MKLN1: variants seen among roughly 807,000 people sequenced by gnomAD.
MKLN1 encodes the protein muskelin.
A neutral mutation model predicts 99.0 loss-of-function variants in MKLN1; 18 were observed. The ratio of observed to expected loss-of-function variants is 0.18; its 90% CI spans 0.13 to 0.27. MKLN1 has a LOEUF of 0.27. Ranked by LOEUF, MKLN1 falls within the 10% of genes least tolerant of loss-of-function variation. The pLI, the probability that MKLN1 is intolerant of heterozygous loss-of-function variation, is 1.00. For missense variants in MKLN1, 621 were observed against 875.9 expected (o/e 0.71, Z 3.67); for synonymous variants, 288 against 293.2 (o/e 0.98, Z 0.18).
chr7:131,144,495 A>T (rs1291633101), intron 2 of MKLN1, among the ~76,000 whole-genome samples: 1 of 151,492 alleles, frequency 6.6e-6, no homozygotes, highest in African/African-American at 2.4e-5. Flanking sequence ...AAAAAAAAAA[A>T]AGTTTTTCTT....
chr7:131,375,611 A>T, intron 2 of MKLN1, 118 bp downstream of exon 2: 1 of 629,836 alleles, frequency 1.6e-6, no homozygotes, highest in Admixed American at 2.9e-5. Context: ...ATTGTGAGGT[A>T]AATTTTTATT....
chr7:131,168,899 G>T (rs1796175317), intron 2 of MKLN1, among the ~76,000 whole-genome samples: 2 of 145,070 alleles, frequency 1.4e-5, no homozygotes, highest in Admixed American at 1.4e-4. Context: ...ATAGCATCTA[G>T]CTCTTCCACC....
intron 3 of MKLN1, among the ~76,000 whole-genome samples, chr7:131,210,208 A>G (rs1025591022): frequency 6.6e-6 from 1 of 152,126 alleles, no homozygotes; most frequent in Non-Finnish European, 1.5e-5. Flanking sequence ...GACCTTTTAA[A>G]TCTTAGCATA....
In MKLN1 at chr7:131,253,054, A is replaced by G. The variant is rs577664134; in HGVS notation, c.-179+50080A>G. On this transcript the variant is annotated intron_variant, in intron 3 of 7. Transcript: ENST00000416992. The stretch of plus-strand genomic sequence containing the variant: ...GAGGAGCTTTACAGACCCAGTCCCA[A>G]TGAAACAACCATACTGGTGAAAATT... 6.6e-4 allele frequency among the ~76,000 whole-genome samples: 101 copies of G among 152,330 alleles called. 1 individual carries two copies. The highest frequency in any genetic ancestry group is 1.2e-3 in the Admixed American group (19 of 15,300).
At chr7:131,414,898 T>C (rs1794972546) in intron 8 of MKLN1, among the ~76,000 whole-genome samples, 188 bp downstream of exon 8, 1 of 152,046 alleles carries the variant, frequency 6.6e-6, no homozygotes, top group Non-Finnish European at 1.5e-5. Flanking sequence ...GTCTAGTTTA[T>C]ATGTGTTGTA....
At chr7:131,379,482 T>G (rs917818852) in intron 2 of MKLN1, among the ~76,000 whole-genome samples, 10 of 152,070 alleles carry the variant, frequency 6.6e-5, no homozygotes, top group Admixed American at 3.3e-4. Context: ...AAAACTTCTA[T>G]AAATGAAAAA....
chr7:131,229,327 C>T (rs1291103657), intron 3 of MKLN1, among the ~76,000 whole-genome samples: 2 of 151,994 alleles, frequency 1.3e-5, no homozygotes, highest in Non-Finnish European at 2.9e-5. Flanking sequence ...CCCACCTGCC[C>T]ACAGGCCCCA....
intron 2 of MKLN1, among the ~76,000 whole-genome samples, chr7:131,162,499 T>A (rs934330987): frequency 6.6e-6 from 1 of 152,224 alleles, no homozygotes; most frequent in Admixed American, 6.5e-5. Context: ...GTGACACCTT[T>A]GGTTTCTGAT....
chr7:131,456,717 C>A (rs1264588068), intron 12 of MKLN1, among the ~76,000 whole-genome samples: 1 of 152,080 alleles, frequency 6.6e-6, no homozygotes, highest in African/African-American at 2.4e-5. Context: ...AAAACTGTTG[C>A]ATAGGGGCGT....
intron 3 of MKLN1, among the ~76,000 whole-genome samples, chr7:131,282,952 A>C (rs928336063): frequency 1.3e-5 from 2 of 152,126 alleles, no homozygotes; most frequent in African/African-American, 4.8e-5. Context: ...TCTTCATTCC[A>C]CTGCAGCTCT....
intron 3 of MKLN1, among the ~76,000 whole-genome samples, chr7:131,315,407 G>A (rs1047558507): frequency 2.2e-4 from 33 of 152,150 alleles, no homozygotes; most frequent in Admixed American, 1.3e-4. Flanking sequence ...TTTGCAAGCC[G>A]GAGATCAGGA....
At chr7:131,303,290 T>C (rs1045972704) in intron 3 of MKLN1, among the ~76,000 whole-genome samples, 12 of 152,338 alleles carry the variant, frequency 7.9e-5, no homozygotes, top group African/African-American at 2.2e-4. Flanking sequence ...AGGCTGCAGC[T>C]GCTGTTGCTG....
chr7:131,330,349 C>T (rs947680861), intron 1 of MKLN1, among the ~76,000 whole-genome samples: 1 of 152,168 alleles, frequency 6.6e-6, no homozygotes, highest in Non-Finnish European at 1.5e-5. Flanking sequence ...CTAAGCATTT[C>T]GAGGTGGCAG....
At chr7:131,171,449 T>G (rs2116334736) in intron 2 of MKLN1, among the ~76,000 whole-genome samples, 1 of 151,858 alleles carries the variant, frequency 6.6e-6, no homozygotes, top group East Asian at 1.9e-4. Flanking sequence ...TATTATTGTT[T>G]AAATATTTTT....
chr7:131,245,720 T>G (rs953523154), intron 3 of MKLN1, among the ~76,000 whole-genome samples: 5 of 152,238 alleles, frequency 3.3e-5, no homozygotes, highest in African/African-American at 1.2e-4. Context: ...GGCTATGCCA[T>G]GTAGCCTAGG....
Position 131,250,846 on chromosome 7 carries a change from C to T in MKLN1, c.-179+47872C>T, listed in dbSNP as rs372835562. 3.3e-5 allele frequency among the ~76,000 whole-genome samples: 5 copies of T among 152,186 alleles called. No homozygotes were observed. The East Asian group carries it at 7.7e-4, about 23-fold the overall frequency. On this transcript the variant is annotated intron_variant, in intron 3 of 7. Coordinates refer to the MKLN1 transcript ENST00000416992. Reference sequence around the variant, plus strand: ...ACGTACACCATCTTAAGTCCTTCTACATCCCTGGACTCCAAGTTGCTGCAT... The same window carrying T: ...ACGTACACCATCTTAAGTCCTTCTATATCCCTGGACTCCAAGTTGCTGCAT...
chr7:131,170,933 A>G (rs983056858), intron 2 of MKLN1, among the ~76,000 whole-genome samples: 37 of 152,222 alleles, frequency 2.4e-4, no homozygotes, highest in African/African-American at 8.9e-4. Context: ...GGAAACCTAA[A>G]GTTCACTTAC....
chr7:131,111,413 C>T (rs1263893013), intron 1 of MKLN1, among the ~76,000 whole-genome samples: 2 of 152,224 alleles, frequency 1.3e-5, no homozygotes, highest in African/African-American at 4.8e-5. Context: ...ATTTGCGTCA[C>T]TGCCAGGGAC....
chr7:131,334,601 A>G (rs1162537803), intron 1 of MKLN1, among the ~76,000 whole-genome samples: 3 of 152,178 alleles, frequency 2.0e-5, no homozygotes, highest in African/African-American at 7.2e-5. Context: ...TTTTGGGCAC[A>G]TGGGTAAATG....
Sources: allele counts gnomAD v4.1 joint callset (sites outside exome capture counted in the v4.1 genomes callset), GRCh38; gene constraint gnomAD v4.1.1; transcripts MANE v1.5; gene names NCBI Gene and HGNC (gene_info 2026-07-23, HGNC 2026-07-21).